DDX52: variants seen among roughly 807,000 people sequenced by gnomAD.
DDX52 encodes the protein DExD-box helicase 52.
Under a neutral mutation model 76.1 loss-of-function variants are expected in DDX52, and 59 were observed. The observed-to-expected ratio is 0.78, with a 90% CI of 0.63 to 0.96. The LOEUF (loss-of-function observed/expected upper bound fraction) is 0.96. DDX52 is among the 40% of genes least tolerant of loss of function. The pLI, the probability that DDX52 is intolerant of heterozygous loss-of-function variation, is 0.00. For missense variants in DDX52, 707 were observed against 703.9 expected (o/e 1.00, Z -0.05); for synonymous variants, 231 against 244.1 (o/e 0.95, Z 0.50).
intron 2 of DDX52, among the ~76,000 whole-genome samples, chr17:37,638,163 G>A (rs540402656): frequency 1.3e-5 from 2 of 152,346 alleles, no homozygotes; most frequent in East Asian, 3.9e-4. Flanking sequence ...AAAGGCAACA[G>A]CAACAGGTTT....
At chr17:37,634,086 A>C (rs2030815374) in intron 2 of DDX52, among the ~76,000 whole-genome samples, 1 of 151,654 alleles carries the variant, frequency 6.6e-6, no homozygotes, top group African/African-American at 2.4e-5. Flanking sequence ...CTGGGATTAC[A>C]GGAATCCGCC....
Position 37,630,160 on chromosome 17 carries a change from A to T in DDX52, c.617T>A (p.Leu206Gln). The change falls in exon 5 of 15, where the codon CTG becomes CAG. Residue 206 changes from leucine (L) to glutamine (Q), a missense_variant. Coordinates refer to ENST00000617633, the MANE Select transcript of DDX52 (RefSeq NM_007010.5). Reference protein sequence around the residue: ...IPVMLHGRELLASAPTGSGKT... With the variant: ...IPVMLHGRELQASAPTGSGKT... ...TCCAGATCCAGTTGGAGCAGAAGCC[A>T]GAAGTTCCCGACCCTAAAAACATAG... 1 of 1,610,756 alleles carries T rather than the reference A, an allele frequency of 6.2e-7. No individual in the cohort carries two copies. Among genetic ancestry groups the T allele is most frequent in the Non-Finnish European group, 8.5e-7 (1 of 1,179,052 alleles).
intron 6 of DDX52, among the ~76,000 whole-genome samples, chr17:37,627,318 C>T (rs564404930): frequency 1.2e-4 from 19 of 152,308 alleles, no homozygotes; most frequent in African/African-American, 4.3e-4. Context: ...TTCTCACTCC[C>T]GAGTAGCTGG....
Position 37,642,105 on chromosome 17 carries a change from C to G in DDX52, c.286+5G>C. ...GAAAAAACATGACAGAAATCAAACA[C>G]TAACCTGAAGTCATCGTCTTCCTTT... On this transcript the variant is annotated splice_donor_5th_base_variant and intron_variant, in intron 2 of 14. Coordinates refer to ENST00000617633, the MANE Select transcript of DDX52 (RefSeq NM_007010.5). 6.2e-7 allele frequency: 1 copy of G among 1,611,024 alleles called. No individual in the cohort carries two copies. The highest frequency in any genetic ancestry group is 8.5e-7 in the Non-Finnish European group (1 of 1,179,424).
chr17:37,616,154 G>A (rs1307590190), intron 14 of DDX52, among the ~76,000 whole-genome samples: 1 of 152,130 alleles, frequency 6.6e-6, no homozygotes, highest in Non-Finnish European at 1.5e-5. Context: ...GTGCCTGAAA[G>A]GACTGCATTT....
rs1338529218 is a variant in DDX52, at chr17:37,618,328, GT to G, written c.1705del (p.Thr569LeufsTer6). On this transcript the variant is annotated frameshift_variant, in exon 14 of 15. Transcript: ENST00000617633. LOFTEE classifies it high-confidence loss of function. ...AGCTTTTTCTAAGAAACATTTTGGA[GT>G]TGTACTAATGCTCTCCCTTTCCAAT... ...KPLERESIST[T>X]PKCFLEKAKD... 1 of 1,597,114 alleles carries G rather than the reference GT, an allele frequency of 6.3e-7. No individual in the cohort carries two copies. Among genetic ancestry groups the G allele is most frequent in the African/African-American group, 1.4e-5 (1 of 73,728 alleles).
At chr17:37,614,410 C>T in intron 14 of DDX52, 57 bp from the exon 15 acceptor site, 4 of 1,524,940 alleles carry the variant, frequency 2.6e-6, no homozygotes, top group Non-Finnish European at 2.7e-6. Flanking sequence ...ATTTACTTTC[C>T]ATAACCCTAC....
intron 2 of DDX52, among the ~76,000 whole-genome samples, chr17:37,636,041 T>A (rs1424362894): frequency 6.6e-6 from 1 of 152,234 alleles, no homozygotes; most frequent in East Asian, 1.9e-4. Flanking sequence ...TATTTTCCCA[T>A]CTGTGGCTTG....
chr17:37,623,388 G>A (rs1444060469), intron 9 of DDX52, among the ~76,000 whole-genome samples: 1 of 152,064 alleles, frequency 6.6e-6, no homozygotes, highest in Non-Finnish European at 1.5e-5. Context: ...TGACGCCACC[G>A]CACTCCAGCC....
In DDX52 at chr17:37,630,047, G is replaced by A. The variant is rs746162273; in HGVS notation, c.730C>T (p.Arg244Ter). The change falls in exon 5 of 15, where the codon CGA becomes TGA. Residue 244 changes from arginine (R) to a stop codon, truncating the protein, a stop_gained. Coordinates refer to ENST00000617633, the MANE Select transcript of DDX52 (RefSeq NM_007010.5). LOFTEE classifies it high-confidence loss of function. ...GFRALIISPT[R>*]ELASQIHREL... ...AGTCATACCTGGCTGGCAAGTTCTCGTGTTGGTGATATAATCAGGGCTCTG... is the reference window on the plus strand; with the variant it reads ...AGTCATACCTGGCTGGCAAGTTCTCATGTTGGTGATATAATCAGGGCTCTG... The A allele has an allele frequency of 9.3e-5, 150 of 1,611,506 alleles. No homozygotes were observed. The highest frequency in any genetic ancestry group is 1.2e-4 in the Non-Finnish European group (146 of 1,179,386).
chr17:37,616,858 T>C (rs527428061), intron 14 of DDX52, among the ~76,000 whole-genome samples: 493 of 152,330 alleles, frequency 3.2e-3, no homozygotes, highest in African/African-American at 0.011. Flanking sequence ...CCGACTTTTA[T>C]TCCTCATAGA....
Position 37,618,368 on chromosome 17 carries a change from TC to T in DDX52, c.1665del (p.Met556Ter). The T allele has an allele frequency of 2.5e-6, 4 of 1,585,852 alleles. No homozygotes were observed. The highest frequency in any genetic ancestry group is 3.4e-6 in the Non-Finnish European group (4 of 1,172,158). ...TCCCTTTCCAATGGTTTCTTAATCA[TC>T]TTTTTCTTTTGTTTGCTGAAAGTTA... ...FQKLLSKQKK[K>X]MIKKPLERES... On this transcript the variant is annotated frameshift_variant, in exon 14 of 15. Transcript: ENST00000617633. LOFTEE classifies it high-confidence loss of function.
At position 37,625,998 on chromosome 17, in the gene DDX52, G is replaced by A; in HGVS notation, c.1033C>T (p.His345Tyr). 6.2e-7 allele frequency: 1 copy of A among 1,614,142 alleles called. No individual in the cohort carries two copies. ...LASIFLACTS[H>Y]KVRRAMFSAT... is the part of the protein sequence containing the mutation. ...CTGAACATAGCTCTTCGGACCTTGTGGGATGTGCAGGCCAGGAAAATGGAA... is the reference window on the plus strand; with the variant it reads ...CTGAACATAGCTCTTCGGACCTTGTAGGATGTGCAGGCCAGGAAAATGGAA... Residue 345 changes from histidine (H) to tyrosine (Y), a missense_variant, in exon 8 of 15, where the codon CAC becomes TAC. His to Tyr is a moderately conservative substitution (Grantham distance 83, BLOSUM62 2). Coordinates refer to ENST00000617633, the MANE Select transcript of DDX52 (RefSeq NM_007010.5).
At chr17:37,619,677 A>C in intron 13 of DDX52, 91 bp downstream of exon 13, 1 of 1,128,644 alleles carries the variant, frequency 8.9e-7, no homozygotes, top group Non-Finnish European at 1.3e-6. Context: ...ATGCCACTGC[A>C]CTGCAGTCTG....
chr17:37,625,375 TG>T (rs1213348826), intron 8 of DDX52, among the ~76,000 whole-genome samples: 1 of 152,158 alleles, frequency 6.6e-6, no homozygotes, highest in Non-Finnish European at 1.5e-5. Context: ...TCACTTAATA[TG>T]GTACTACAAA....
At chr17:37,621,638 A>G in intron 9 of DDX52, 118 bp from the exon 10 acceptor site, 1 of 1,349,934 alleles carries the variant, frequency 7.4e-7, no homozygotes, top group Non-Finnish European at 9.8e-7. Flanking sequence ...TTCTTGGCCA[A>G]ATTTCTTGGG....
At chr17:37,617,952 A>C (rs1353958564) in intron 14 of DDX52, among the ~76,000 whole-genome samples, 2 of 152,124 alleles carry the variant, frequency 1.3e-5, no homozygotes, top group Non-Finnish European at 2.9e-5. Context: ...GTCTAATAAA[A>C]ATACAAAAAA....
At chr17:37,616,898 C>G (rs1209369349) in intron 14 of DDX52, among the ~76,000 whole-genome samples, 1 of 152,158 alleles carries the variant, frequency 6.6e-6, no homozygotes, top group Non-Finnish European at 1.5e-5. Flanking sequence ...CTCTTGTTCA[C>G]TTATTTACAA....
chr17:37,641,216 C>T (rs1013877357), intron 2 of DDX52, among the ~76,000 whole-genome samples: 6 of 151,848 alleles, frequency 4.0e-5, no homozygotes, highest in Non-Finnish European at 7.4e-5. Flanking sequence ...TCCTGGCTAA[C>T]ACGATGAAAC....
Sources: allele counts gnomAD v4.1 joint callset (sites outside exome capture counted in the v4.1 genomes callset), GRCh38; gene constraint gnomAD v4.1.1; transcripts MANE v1.5; gene names NCBI Gene and HGNC (gene_info 2026-07-23, HGNC 2026-07-21).